GABBR1: variants seen among roughly 807,000 people sequenced by gnomAD.
GABBR1 encodes the protein gamma-aminobutyric acid type B receptor subunit 1.
In GABBR1, 35 loss-of-function variants were observed where a neutral mutation model predicts 117.7. The observed-to-expected ratio is 0.30, with a 90% CI of 0.23 to 0.39. The LOEUF (loss-of-function observed/expected upper bound fraction) is 0.39, where lower values mean the gene tolerates loss of function less well. GABBR1 is among the 10% of genes least tolerant of loss of function. The pLI, the probability that GABBR1 is intolerant of heterozygous loss-of-function variation, is 1.00. For missense variants in GABBR1, 709 were observed against 1,241.8 expected (o/e 0.57, Z 6.45); for synonymous variants, 442 against 486.6 (o/e 0.91, Z 1.21).
chr6:29,602,917 T>G lies in GABBR1; in HGVS notation c.*626A>C, dbSNP rs1483873072. The stretch of plus-strand genomic sequence containing the variant: ...AAAAGCGTGTGTACACATGAGCATG[T>G]TCAGTGGGCACACGCAGGAGAGGGG... On this transcript the variant is annotated 3_prime_UTR_variant, in exon 23 of 23. Coordinates refer to ENST00000377034, the MANE Select transcript of GABBR1 (RefSeq NM_001470.4). The G allele has an allele frequency of 4.6e-6, 2 of 437,642 alleles. No homozygotes were observed. The highest frequency in any genetic ancestry group is 5.0e-5 in the Admixed American group (2 of 39,980). The allele number at this position is 437,642 out of a possible 1,614,324, so 27.1% of individuals were successfully genotyped here.
chr6:29,602,720 T>C lies in GABBR1; in HGVS notation c.*823A>G. ...AGGGTACACAGGGAAAGTACATGGA[T>C]AAACATGGACGTGTGCAAATAGGAA... is the stretch of plus-strand genomic sequence containing the variant. On this transcript the variant is annotated 3_prime_UTR_variant, in exon 23 of 23. Coordinates refer to ENST00000377034, the MANE Select transcript of GABBR1 (RefSeq NM_001470.4). The C allele has an allele frequency of 3.0e-6, 1 of 333,912 alleles. No homozygotes were observed. The highest frequency in any genetic ancestry group is 5.8e-6 in the Non-Finnish European group (1 of 171,798). 20.7% of individuals were successfully genotyped at this position (333,912 alleles called of 1,614,324 possible).
At chr6:29,610,240 T>C (rs1762402448) in intron 14 of GABBR1, among the ~76,000 whole-genome samples, 1 of 152,104 alleles carries the variant, frequency 6.6e-6, no homozygotes, top group African/African-American at 2.4e-5. Flanking sequence ...CTCTCCTATG[T>C]CCTATCATTT....
rs17184409 is a variant in GABBR1, at chr6:29,621,639, G to T, written c.1131+113C>A. 5.6e-3 allele frequency: 4,975 copies of T among 895,144 alleles called. 59 individuals carry two copies. Among genetic ancestry groups the T allele is most frequent in the Middle Eastern group, 0.043 (192 of 4,464 alleles). The allele number at this position is 895,144 out of a possible 1,614,324, so 55.5% of individuals were successfully genotyped here. A position where few individuals can be genotyped will look rare whatever the true frequency, so the allele number is the denominator to read the frequency against. ...AACAGACAGAGACATCCTATGAATC[G>T]TCACCTCAGATCATATGCTATCAAC... is the stretch of plus-strand genomic sequence containing the variant. On this transcript the variant is annotated intron_variant, in intron 10 of 22. Transcript: ENST00000377034. The surrounding 1 kb of genome is among the most constrained non-coding windows in gnomAD (Gnocchi z 5.0).
In GABBR1 at chr6:29,605,959, G is replaced by T; in HGVS notation, c.2312-263C>A. ...GCTGTCAGTCAGGCAAGGGCTTGTT[G>T]AATATCTAGAAATAGGCCAGTCTGG... On this transcript the variant is annotated intron_variant, in intron 19 of 22. Transcript: ENST00000377034. This position sits in a 1 kb window ranked among gnomAD's most constrained non-coding sequence, Gnocchi z 4.2. 1.8e-6 allele frequency: 1 copy of T among 566,462 alleles called. No individual in the cohort carries two copies. Among genetic ancestry groups the T allele is most frequent in the Admixed American group, 3.1e-5 (1 of 31,804 alleles). 35.1% of individuals were successfully genotyped at this position (566,462 alleles called of 1,614,324 possible).
chr6:29,631,037 G>T lies in GABBR1; in HGVS notation c.289+359C>A, dbSNP rs1293676408. On this transcript the variant is annotated intron_variant, in intron 3 of 22. Coordinates refer to ENST00000377034, the MANE Select transcript of GABBR1 (RefSeq NM_001470.4). This position sits in a 1 kb window ranked among gnomAD's most constrained non-coding sequence, Gnocchi z 5.9. ...ACTGGCTTTTGTTTCTTGGGCATATGGTCTCTGGGTTGGTGACAGAGGTAT... is the reference window on the plus strand; with the variant it reads ...ACTGGCTTTTGTTTCTTGGGCATATTGTCTCTGGGTTGGTGACAGAGGTAT... Among the ~76,000 whole-genome samples, 1 of 152,190 alleles carries T rather than the reference G, an allele frequency of 6.6e-6. No homozygotes were observed. Among genetic ancestry groups the T allele is most frequent in the African/African-American group, 2.4e-5 (1 of 41,442 alleles).
chr6:29,629,246 G>T, intron 4 of GABBR1, 139 bp from the exon 5 acceptor site: 1 of 940,154 alleles, frequency 1.1e-6, no homozygotes. Flanking sequence ...AGGGGAGGGT[G>T]CCTGGGGATA....
At position 29,609,386 on chromosome 6, in the gene GABBR1, G is replaced by A; in HGVS notation, c.1709-7C>T. The A allele has an allele frequency of 6.2e-7, 1 of 1,612,524 alleles. No individual in the cohort carries two copies. The highest frequency in any genetic ancestry group is 8.5e-7 in the Non-Finnish European group (1 of 1,179,664). On this transcript the variant is annotated splice_region_variant and splice_polypyrimidine_tract_variant and intron_variant, in intron 14 of 22. Coordinates refer to ENST00000377034, the MANE Select transcript of GABBR1 (RefSeq NM_001470.4). The surrounding 1 kb of genome is among the most constrained non-coding windows in gnomAD (Gnocchi z 4.3). ...TCAGCTGGGGGGGACCCTCCTGCATGGCACAGGGGAGGAAGAGGGGAAGGG... is the reference window on the plus strand; with the variant it reads ...TCAGCTGGGGGGGACCCTCCTGCATAGCACAGGGGAGGAAGAGGGGAAGGG...
chr6:29,629,125 G>A lies in GABBR1; in HGVS notation c.476-18C>T. 1 of 1,612,924 alleles carries A rather than the reference G, an allele frequency of 6.2e-7. No individual in the cohort carries two copies. Among genetic ancestry groups the A allele is most frequent in the Non-Finnish European group, 8.5e-7 (1 of 1,179,972 alleles). On this transcript the variant is annotated intron_variant, in intron 4 of 22. Transcript: ENST00000377034. ...TCGATTCACTGGCAGCAGGAAAGAC[G>A]GGGATCAGAGAAGAGTTACCACTGG...
In GABBR1 at chr6:29,621,193, T is replaced by G. The variant is rs1280630291; in HGVS notation, c.1231A>C (p.Thr411Pro). The change falls in exon 11 of 23, where the codon ACA becomes CCA. Residue 411 changes from threonine (T) to proline (P), a missense_variant. Physicochemically the swap from Thr to Pro is conservative, Grantham distance 38 (BLOSUM62 -1). Coordinates refer to ENST00000377034, the MANE Select transcript of GABBR1 (RefSeq NM_001470.4). The surrounding 1 kb of genome is among the most constrained non-coding windows in gnomAD (Gnocchi z 5.0). ...FKIYDPSINC[T>P]VDEMTEAVEG... ...ACCGCCTCAGTCATCTCATCCACTGTGCAGTTGATAGAAGGGTCGTAGATC... is the reference window on the plus strand; with the variant it reads ...ACCGCCTCAGTCATCTCATCCACTGGGCAGTTGATAGAAGGGTCGTAGATC... The G allele has an allele frequency of 6.2e-7, 1 of 1,612,580 alleles. No individual in the cohort carries two copies. Among genetic ancestry groups the G allele is most frequent in the Non-Finnish European group, 8.5e-7 (1 of 1,179,586 alleles).
chr6:29,629,727 T>C (rs1193594545), intron 4 of GABBR1, among the ~76,000 whole-genome samples: 2 of 146,794 alleles, frequency 1.4e-5, no homozygotes, highest in African/African-American at 5.1e-5. Context: ...GTATGAGGCA[T>C]ACAAATGGGA....
rs1301094620 is a variant in GABBR1, at chr6:29,603,243, A to C, written c.*300T>G. 1.7e-6 allele frequency: 1 copy of C among 592,346 alleles called. No individual in the cohort carries two copies. The highest frequency in any genetic ancestry group is 3.7e-5 in the East Asian group (1 of 26,972). 36.7% of individuals were successfully genotyped at this position (592,346 alleles called of 1,614,324 possible). Reference sequence around the variant, plus strand: ...GTGTTGCATGGGAAGAGAAAGATGCAGTGAGGCTGCTGAGGAGGCAGCGTG... The same window carrying C: ...GTGTTGCATGGGAAGAGAAAGATGCCGTGAGGCTGCTGAGGAGGCAGCGTG... On this transcript the variant is annotated 3_prime_UTR_variant, in exon 23 of 23. Coordinates refer to ENST00000377034, the MANE Select transcript of GABBR1 (RefSeq NM_001470.4).
Position 29,630,293 on chromosome 6 carries a change from GT to G in GABBR1, c.475+164del. 3.3e-6 allele frequency: 2 copies of G among 609,304 alleles called. No individual in the cohort carries two copies. The highest frequency in any genetic ancestry group is 5.7e-6 in the Non-Finnish European group (2 of 350,924). The allele number at this position is 609,304 out of a possible 1,614,324, so 37.7% of individuals were successfully genotyped here. ...AGGATACCGGGGACTGCAAGAGGAA[GT>G]TTGAGGCAGGTGATGGAGGAAAAAG... On this transcript the variant is annotated intron_variant, in intron 4 of 22. Transcript: ENST00000377034. The surrounding 1 kb of genome is among the most constrained non-coding windows in gnomAD (Gnocchi z 4.9).
rs138809665 is a variant in GABBR1 at position 29,608,609 on chromosome 6, C to T, written c.1984G>A (p.Val662Ile). The T allele has an allele frequency of 1.2e-5, 19 of 1,612,408 alleles. No homozygotes were observed. The highest frequency in any genetic ancestry group is 1.4e-5 in the Non-Finnish European group (16 of 1,179,788). The change falls in exon 16 of 23, where the codon GTC becomes ATC. Residue 662 changes from valine to isoleucine, a missense_variant. This residue lies in a region of GABBR1 where 251 missense variants were observed against 445.3 expected (regional missense o/e 0.56). Coordinates refer to ENST00000377034, the MANE Select transcript of GABBR1 (RefSeq NM_001470.4). ...YHIGRNQFPF[V>I]CQARLWLLGL... The stretch of plus-strand genomic sequence containing the variant: ...GCCCACCACCTCCTCACCTGGCAGA[C>T]GAAAGGAAACTGGTTCCTCCCAATG...
intron 11 of GABBR1, among the ~76,000 whole-genome samples, chr6:29,615,588 G>A (rs1279116081): frequency 6.7e-6 from 1 of 148,276 alleles, no homozygotes; most frequent in East Asian, 2.0e-4. Context: ...CAGCCTGGGC[G>A]ATGGAGTGAG....
At chr6:29,629,422 T>G (rs1027374647) in intron 4 of GABBR1, among the ~76,000 whole-genome samples, 2 of 152,120 alleles carry the variant, frequency 1.3e-5, no homozygotes, top group Non-Finnish European at 2.9e-5. Flanking sequence ...AGAAAAAAAA[T>G]TACACATACA....
Position 29,623,530 on chromosome 6 carries a change from G to A in GABBR1, c.793-55C>T, listed in dbSNP as rs1173906551. On this transcript the variant is annotated intron_variant, in intron 7 of 22. Coordinates refer to ENST00000377034, the MANE Select transcript of GABBR1 (RefSeq NM_001470.4). This position sits in a 1 kb window ranked among gnomAD's most constrained non-coding sequence, Gnocchi z 6.2. ...GGTCTGTTCACTGAGGACACCAAGA[G>A]TGGCCAAGAGTTCCTTTAACCCTCT... The A allele has an allele frequency of 3.9e-6, 6 of 1,548,518 alleles. No individual in the cohort carries two copies. Among genetic ancestry groups the A allele is most frequent in the Non-Finnish European group, 5.3e-6 (6 of 1,129,636 alleles).
chr6:29,632,633 C>T lies in GABBR1; in HGVS notation c.-1+217G>A, dbSNP rs1208965684. 1 of 1,434,666 alleles carries T rather than the reference C, an allele frequency of 7.0e-7. No individual in the cohort carries two copies. The highest frequency in any genetic ancestry group is 1.3e-5 in the South Asian group (1 of 77,168). The allele number at this position is 1,434,666 out of a possible 1,614,324, so 88.9% of individuals were successfully genotyped here. ...CCAACCCTCCCGGGACTCCACCTCT[C>T]ACCACCTCCTCTCCCCCGGCCCCCG... On this transcript the variant is annotated intron_variant, in intron 1 of 22. Transcript: ENST00000377034. This position sits in a 1 kb window ranked among gnomAD's most constrained non-coding sequence, Gnocchi z 5.8.
In GABBR1 at chr6:29,631,514, C is replaced by G; in HGVS notation, c.171G>C (p.Leu57=). Residue 57 remains leucine (L), a synonymous_variant, in exon 3 of 23, where the codon CTG becomes CTC. Coordinates refer to ENST00000377034, the MANE Select transcript of GABBR1 (RefSeq NM_001470.4). The surrounding 1 kb of genome is among the most constrained non-coding windows in gnomAD (Gnocchi z 5.9). ...TRDQVKAINF[L]PVDYEIEYVC... is the part of the protein sequence containing the mutation. ...CATACTCAATCTCATAGTCCACTGG[C>G]AGGAAGTTGATAGCCTTCACCTGGT... 6.2e-7 allele frequency: 1 copy of G among 1,614,232 alleles called. No homozygotes were observed. Among genetic ancestry groups the G allele is most frequent in the South Asian group, 1.1e-5 (1 of 91,088 alleles).
At chr6:29,608,905 A>G (rs1430426946) in intron 15 of GABBR1, among the ~76,000 whole-genome samples, 172 bp from the exon 16 acceptor site, 1 of 152,234 alleles carries the variant, frequency 6.6e-6, no homozygotes, top group Non-Finnish European at 1.5e-5. Flanking sequence ...CAATGCAGTC[A>G]TGGGGCTGAA....
Sources: allele counts gnomAD v4.1 joint callset (sites outside exome capture counted in the v4.1 genomes callset), GRCh38; gene constraint gnomAD v4.1.1; regional missense constraint gnomAD v4.1.1; non-coding constraint Gnocchi (gnomAD v3.1); transcripts MANE v1.5; gene names NCBI Gene and HGNC (gene_info 2026-07-23, HGNC 2026-07-21).